Variants in KLF8 observed in about 807,000 individuals in gnomAD.
The protein encoded by KLF8 is KLF transcription factor 8.
In KLF8, 10 loss-of-function variants were observed where a neutral mutation model predicts 18.2. The ratio of observed to expected loss-of-function variants is 0.55; its 90% CI spans 0.34 to 0.93. The LOEUF (loss-of-function observed/expected upper bound fraction) is 0.93, where lower values mean the gene tolerates loss of function less well. Ranked by LOEUF, KLF8 falls within the 40% of genes least tolerant of loss-of-function variation. KLF8 has a pLI of 0.02. For missense variants in KLF8, 264 were observed against 277.9 expected (o/e 0.95, Z 0.36); for synonymous variants, 109 against 97.3 (o/e 1.12, Z -0.71).
rs893785425 is a variant in KLF8 at position 56,288,725 on chromosome X, T to C, written c.*4231T>C. On this transcript the variant is annotated 3_prime_UTR_variant, in exon 6 of 6. Transcript: ENST00000468660. ...CTGGCACAAACACGAAGTGAGCACATGCTGTTGGAAAAATGGTGCCAATAG... is the reference window on the plus strand; with the variant it reads ...CTGGCACAAACACGAAGTGAGCACACGCTGTTGGAAAAATGGTGCCAATAG... Among the ~76,000 whole-genome samples, 1 of 112,779 alleles carries C rather than the reference T, an allele frequency of 8.9e-6. No homozygotes were observed. The highest frequency in any genetic ancestry group is 1.9e-5 in the Non-Finnish European group (1 of 53,395).
chrX:56,274,006 T>C (rs955166124), intron 5 of KLF8, among the ~76,000 whole-genome samples: 3 of 112,416 alleles, frequency 2.7e-5, no homozygotes, highest in Non-Finnish European at 3.8e-5. Context: ...ATCTCATTGA[T>C]ATACTGATTT....
At chrX:56,167,542 A>G in the KLF8 span, among the ~76,000 whole-genome samples, 40 of 112,109 alleles carry the variant, frequency 3.6e-4, no homozygotes, top group South Asian at 7.4e-4. Context: ...AGCTTCATTC[A>G]TGATGCTTGG....
chrX:55,909,824 G>T, the KLF8 span, among the ~76,000 whole-genome samples: 1 of 112,270 alleles, frequency 8.9e-6, no homozygotes, highest in East Asian at 2.8e-4. Flanking sequence ...TCCAGTAAGG[G>T]AGATTGTTTT....
At chrX:55,920,909 C>A in the KLF8 span, among the ~76,000 whole-genome samples, 1 of 111,668 alleles carries the variant, frequency 9.0e-6, no homozygotes, top group Non-Finnish European at 1.9e-5. Flanking sequence ...AAAAGTAAAA[C>A]CCCAAACTAT....
chrX:56,197,067 C>T, the KLF8 span, among the ~76,000 whole-genome samples: 1 of 111,239 alleles, frequency 9.0e-6, no homozygotes, highest in African/African-American at 3.3e-5. Context: ...ACACAATGTA[C>T]CAGAATATCA....
chrX:56,106,300 C>A, the KLF8 span, among the ~76,000 whole-genome samples: 24 of 111,997 alleles, frequency 2.1e-4, no homozygotes, highest in Non-Finnish European at 3.6e-4. Flanking sequence ...GGATAATATT[C>A]TGAAGAGTGT....
At chrX:56,064,127 ATATG>A in the KLF8 span, among the ~76,000 whole-genome samples, 1 of 100,997 alleles carries the variant, frequency 9.9e-6, no homozygotes, top group African/African-American at 4.2e-5. Flanking sequence ...GTGTGTATAT[ATATG>A]TATATACATA....
chrX:56,055,131 G>A, the KLF8 span, among the ~76,000 whole-genome samples: 1 of 111,390 alleles, frequency 9.0e-6, no homozygotes, highest in African/African-American at 3.3e-5. Flanking sequence ...ATATTAGCTG[G>A]CTATTTTTCA....
chrX:56,095,250 G>A, the KLF8 span, among the ~76,000 whole-genome samples: 1 of 112,151 alleles, frequency 8.9e-6, no homozygotes, highest in African/African-American at 3.2e-5. Context: ...AAATGGTACT[G>A]GGAAAATTAA....
At chrX:56,192,629 G>A in the KLF8 span, among the ~76,000 whole-genome samples, 1 of 111,850 alleles carries the variant, frequency 8.9e-6, no homozygotes, top group African/African-American at 3.2e-5. Context: ...TAGACCGGTG[G>A]AAAAGAATGC....
At chrX:56,183,196 C>T in the KLF8 span, among the ~76,000 whole-genome samples, 1 of 112,015 alleles carries the variant, frequency 8.9e-6, no homozygotes, top group East Asian at 2.8e-4. Flanking sequence ...AGTCTTGCTG[C>T]CACCTTGCAG....
chrX:55,974,169 C>T, the KLF8 span, among the ~76,000 whole-genome samples: 1 of 111,004 alleles, frequency 9.0e-6, no homozygotes, highest in Non-Finnish European at 1.9e-5. Flanking sequence ...GAATTGTAGA[C>T]ACCAGAACCT....
the KLF8 span, among the ~76,000 whole-genome samples, chrX:56,032,568 T>C: frequency 8.9e-6 from 1 of 112,144 alleles, no homozygotes; most frequent in African/African-American, 3.2e-5. Flanking sequence ...AACTGTTATA[T>C]AAGTGAAATT....
At chrX:56,172,486 T>G in the KLF8 span, among the ~76,000 whole-genome samples, 2 of 112,081 alleles carry the variant, frequency 1.8e-5, no homozygotes, top group African/African-American at 3.2e-5. Flanking sequence ...GTGCCACATT[T>G]TCTTAATCCA....
the KLF8 span, among the ~76,000 whole-genome samples, chrX:56,219,555 G>A: frequency 8.9e-6 from 1 of 112,054 alleles, no homozygotes; most frequent in Non-Finnish European, 1.9e-5. Flanking sequence ...TAGCTATCAC[G>A]AGGCTAGTGT....
At chrX:56,123,314 AAAAG>A in the KLF8 span, among the ~76,000 whole-genome samples, 3 of 96,153 alleles carry the variant, frequency 3.1e-5, no homozygotes, top group Admixed American at 1.0e-4. Flanking sequence ...AGAAAGAAAG[AAAAG>A]AAAGAAAGAA....
intron 2 of KLF8, among the ~76,000 whole-genome samples, chrX:56,251,652 A>C (rs1466576938): frequency 9.1e-6 from 1 of 109,758 alleles, no homozygotes; most frequent in Non-Finnish European, 1.9e-5. Context: ...TAGTAGGGAC[A>C]GGGTTTCACC....
the KLF8 span, among the ~76,000 whole-genome samples, chrX:56,073,860 C>A: frequency 9.1e-6 from 1 of 110,370 alleles, no homozygotes; most frequent in African/African-American, 3.3e-5. Flanking sequence ...ATTCTCCAGC[C>A]TCAGCCTCCC....
chrX:56,216,929 C>T, the KLF8 span, among the ~76,000 whole-genome samples: 2 of 111,388 alleles, frequency 1.8e-5, no homozygotes, highest in South Asian at 7.6e-4. Flanking sequence ...AGCTTTTATT[C>T]AACCTCAGGT....
Sources: gnomAD v4.1 joint callset for allele counts (sites outside exome capture counted in the v4.1 genomes callset) on GRCh38, gnomAD v4.1.1 for gene constraint, MANE v1.5 for transcripts, NCBI Gene and HGNC (gene_info 2026-07-23, HGNC 2026-07-21) for gene names.